Variants in SERINC5 observed in about 807,000 individuals in gnomAD.
SERINC5 encodes serine incorporator 5, also known as chromosome 5 open reading frame 12.
SERINC5 carries 41 observed loss-of-function variants against 63.1 expected under a neutral mutation model. The observed-to-expected ratio is 0.65, with a 90% CI of 0.51 to 0.84. The LOEUF (loss-of-function observed/expected upper bound fraction) is 0.84, where lower values mean the gene tolerates loss of function less well. SERINC5 is among the 40% of genes least tolerant of loss of function. SERINC5 has a pLI of 0.00. For synonymous variants in SERINC5, 222 were observed against 215.2 expected (o/e 1.03, Z -0.28); for missense variants, 523 against 573.0 (o/e 0.91, Z 0.89).
At chr5:80,229,439 TTGAG>T (rs1202764357) in intron 1 of SERINC5, among the ~76,000 whole-genome samples, 1 of 151,828 alleles carries the variant, frequency 6.6e-6, no homozygotes, top group Non-Finnish European at 1.5e-5. Context: ...TTTAAAGTTA[TTGAG>T]TAACTAAAAG....
At chr5:80,201,440 CACTGAT>C (rs1749830160) in intron 2 of SERINC5, among the ~76,000 whole-genome samples, 1 of 152,232 alleles carries the variant, frequency 6.6e-6, no homozygotes, top group South Asian at 2.1e-4. Flanking sequence ...CCTTCCCGGG[CACTGAT>C]GGTGCCCTGC....
At chr5:80,253,133 C>G (rs1404324382) in intron 1 of SERINC5, among the ~76,000 whole-genome samples, 1 of 152,154 alleles carries the variant, frequency 6.6e-6, no homozygotes, top group Non-Finnish European at 1.5e-5. Flanking sequence ...CTGTCTCATT[C>G]CCACATCCCA....
chr5:80,213,071 CCT>C (rs1483406898), intron 1 of SERINC5, among the ~76,000 whole-genome samples: 3 of 151,842 alleles, frequency 2.0e-5, no homozygotes, highest in Admixed American at 1.3e-4. Context: ...ATGGTGAAAC[CCT>C]GTCTCTACTA....
At chr5:80,191,479 CA>C (rs1167390197) in intron 2 of SERINC5, among the ~76,000 whole-genome samples, 65 of 38,534 alleles carry the variant, frequency 1.7e-3, no homozygotes, top group Non-Finnish European at 1.9e-3. Context: ...TCCATCTCTA[CA>C]AAAAAAAAAA....
chr5:80,179,690 G>C (rs1236159373), intron 2 of SERINC5, among the ~76,000 whole-genome samples: 1 of 152,116 alleles, frequency 6.6e-6, no homozygotes, highest in African/African-American at 2.4e-5. Context: ...ACTGGCTAAG[G>C]TTCCCTAATC....
At chr5:80,227,017 T>A (rs935984446) in intron 1 of SERINC5, among the ~76,000 whole-genome samples, 2 of 152,254 alleles carry the variant, frequency 1.3e-5, no homozygotes, top group East Asian at 1.9e-4. Context: ...TGTCTCAGCA[T>A]CCTGAGTAGC....
chr5:80,176,444 G>A (rs1419911235), intron 4 of SERINC5, among the ~76,000 whole-genome samples: 1 of 152,012 alleles, frequency 6.6e-6, no homozygotes, highest in Non-Finnish European at 1.5e-5. Flanking sequence ...GTTTAGTTTT[G>A]TTTTTGAGAC....
Position 80,146,241 on chromosome 5 carries a change from A to G in SERINC5, c.1094-7T>C. ...GGCTGCTGCTCTTCAGTGTCTGTGA[A>G]GCACAGAGGGAGCCCAGGCTCAATG... On this transcript the variant is annotated splice_polypyrimidine_tract_variant and splice_region_variant and intron_variant, in intron 10 of 11. Coordinates refer to ENST00000507668, the MANE Select transcript of SERINC5 (RefSeq NM_001174072.3). 1.2e-6 allele frequency: 2 copies of G among 1,613,892 alleles called. No homozygotes were observed. The highest frequency in any genetic ancestry group is 1.7e-6 in the Non-Finnish European group (2 of 1,179,832).
intron 11 of SERINC5, 162 bp from the exon 12 acceptor site, chr5:80,143,972 C>A: frequency 3.5e-6 from 3 of 855,806 alleles, no homozygotes; most frequent in African/African-American, 1.7e-5. Context: ...ATTCTCATCA[C>A]CCCCAAAAGA....
intron 1 of SERINC5, among the ~76,000 whole-genome samples, chr5:80,228,720 T>C (rs1751285224): frequency 6.6e-6 from 1 of 152,100 alleles, no homozygotes; most frequent in Non-Finnish European, 1.5e-5. Context: ...TGAACCACCA[T>C]GCCCAGCCAG....
chr5:80,171,512 T>A (rs1372030212), intron 5 of SERINC5, among the ~76,000 whole-genome samples: 1 of 151,940 alleles, frequency 6.6e-6, no homozygotes, highest in Non-Finnish European at 1.5e-5. Flanking sequence ...CAGGGAATAG[T>A]AAAGGAAAAT....
chr5:80,187,448 C>A (rs1034107900), intron 2 of SERINC5, among the ~76,000 whole-genome samples: 1 of 152,108 alleles, frequency 6.6e-6, no homozygotes, highest in African/African-American at 2.4e-5. Context: ...GAAGTACTTC[C>A]AGGGTCCACC....
downstream of SERINC5, among the ~76,000 whole-genome samples, chr5:80,134,322 C>A (rs1745068798): frequency 6.6e-6 from 1 of 152,006 alleles, no homozygotes. Context: ...CCTGTCTCTA[C>A]TAAAAATACA....
At chr5:80,164,586 G>A (rs919687491) in intron 7 of SERINC5, among the ~76,000 whole-genome samples, 11 of 151,928 alleles carry the variant, frequency 7.2e-5, no homozygotes, top group South Asian at 2.1e-4. Context: ...GTTTCACCAT[G>A]TTGCCCAGGC....
chr5:80,235,323 G>A (rs1379649080), intron 1 of SERINC5, among the ~76,000 whole-genome samples: 2 of 152,054 alleles, frequency 1.3e-5, no homozygotes, highest in Non-Finnish European at 2.9e-5. Flanking sequence ...CTTTTTAACG[G>A]CAACATATTT....
intron 1 of SERINC5, among the ~76,000 whole-genome samples, chr5:80,209,032 C>T (rs552565226): frequency 6.6e-6 from 1 of 152,258 alleles, no homozygotes; most frequent in Non-Finnish European, 1.5e-5. Flanking sequence ...ACTCCCAAAG[C>T]GAGTAGACTG....
In SERINC5 at chr5:80,113,571, C is replaced by T. The variant is rs962119034; in HGVS notation, c.*29+1G>A. The T allele has an allele frequency of 3.5e-5, 9 of 256,124 alleles. No homozygotes were observed. The highest frequency in any genetic ancestry group is 6.8e-5 in the African/African-American group (3 of 43,940). The allele number at this position is 256,124 out of a possible 1,614,324, so 15.9% of individuals were successfully genotyped here. A position where few individuals can be genotyped will look rare whatever the true frequency, so the allele number is the denominator to read the frequency against. On this transcript the variant is annotated splice_donor_variant, in intron 12 of 12. Transcript: ENST00000509193. LOFTEE classifies it low-confidence loss of function (3UTR_SPLICE). ...AGAAAAAGAGGTTTAATTGGACTTA[C>T]AGTTCCACATGGCTGGGGAGGCCTC...
intron 1 of SERINC5, among the ~76,000 whole-genome samples, chr5:80,217,403 G>A (rs750011272): frequency 3.9e-5 from 6 of 152,240 alleles, no homozygotes; most frequent in East Asian, 3.9e-4. Context: ...GCCAAGCCAC[G>A]GAGTGCTTTC....
At chr5:80,173,673 AC>A in intron 5 of SERINC5, among the ~76,000 whole-genome samples, 1 of 151,602 alleles carries the variant, frequency 6.6e-6, no homozygotes, top group African/African-American at 2.4e-5. Context: ...CCCCTCCCCC[AC>A]CCACCTCCAC....
Sources: gnomAD v4.1 joint callset for allele counts (sites outside exome capture counted in the v4.1 genomes callset) on GRCh38, gnomAD v4.1.1 for gene constraint, MANE v1.5 for transcripts, NCBI Gene and HGNC (gene_info 2026-07-23, HGNC 2026-07-21) for gene names.